CWF19L2: variants seen among roughly 807,000 people sequenced by gnomAD.
CWF19L2 encodes CWF19-like protein 2.
CWF19L2 carries 98 observed loss-of-function variants against 111.7 expected under a neutral mutation model. That is an observed-to-expected ratio of 0.88 (90% CI 0.75 to 1.04). The LOEUF (loss-of-function observed/expected upper bound fraction) is 1.04. Ranked by LOEUF, CWF19L2 falls within the 50% of genes least tolerant of loss-of-function variation. The pLI, the probability that CWF19L2 is intolerant of heterozygous loss-of-function variation, is 0.00. For synonymous variants in CWF19L2, 351 were observed against 342.9 expected, an observed-to-expected ratio of 1.02 and a Z score of -0.26; for missense variants, 1,101 against 1,051.4, an observed-to-expected ratio of 1.05 and a Z score of -0.65.
rs757738207 is a variant in CWF19L2 at position 107,433,691 on chromosome 11, C to T, written c.723G>A (p.Lys241=). ...TTCTACTTTGTTTCTCAGCTTGTTCCTTCATTCTTAGATAAGATTTCCTTA... is the reference window on the plus strand; with the variant it reads ...TTCTACTTTGTTTCTCAGCTTGTTCTTTCATTCTTAGATAAGATTTCCTTA... ...SWLRKSYLRM[K]EQAEKQSRNF... The change falls in exon 7 of 18, where the codon AAG becomes AAA. Residue 241 remains lysine, a synonymous_variant. Transcript: ENST00000282251. 20 of 1,594,328 alleles carry T rather than the reference C, an allele frequency of 1.3e-5. No homozygotes were observed. The African/African-American group carries it at 2.4e-4, about 19-fold the overall frequency.
At chr11:107,444,459 T>C (rs1861674475) in intron 3 of CWF19L2, among the ~76,000 whole-genome samples, 1 of 152,182 alleles carries the variant, frequency 6.6e-6, no homozygotes, top group South Asian at 2.1e-4. Context: ...TTCTTCTCCA[T>C]TTCCTTCATG....
chr11:107,418,696 A>G (rs1336999264), intron 8 of CWF19L2, among the ~76,000 whole-genome samples: 1 of 152,222 alleles, frequency 6.6e-6, no homozygotes, highest in Non-Finnish European at 1.5e-5. Context: ...AATGATATAT[A>G]TATCTAACTG....
At chr11:107,456,843 T>C (rs1015474986) in intron 1 of CWF19L2, among the ~76,000 whole-genome samples, 2 of 152,124 alleles carry the variant, frequency 1.3e-5, no homozygotes, top group African/African-American at 2.4e-5. Flanking sequence ...GGTGAGAAAA[T>C]TGGAGATTAA....
At chr11:107,431,709 A>G (rs1025797938) in intron 7 of CWF19L2, among the ~76,000 whole-genome samples, 1 of 152,160 alleles carries the variant, frequency 6.6e-6, no homozygotes, top group Non-Finnish European at 1.5e-5. Flanking sequence ...TGCATAATTT[A>G]CTGAAAACCA....
In CWF19L2 at chr11:107,418,200, C is replaced by T; in HGVS notation, c.1521G>A (p.Gly507=). The T allele has an allele frequency of 6.3e-7, 1 of 1,586,264 alleles. No individual in the cohort carries two copies. Among genetic ancestry groups the T allele is most frequent in the Non-Finnish European group, 8.7e-7 (1 of 1,154,696 alleles). The change falls in exon 9 of 18, where the codon GGG becomes GGA. Residue 507 remains glycine (G), a synonymous_variant. Transcript: ENST00000282251. ...GAKIIKAEMM[G]NMELAEQLKV... ...CAACATCTAAGAGTCTTACCATATT[C>T]CCCATCATCTCTGCTTTGATAATCT...
chr11:107,331,559 A>G (rs1309277702), intron 16 of CWF19L2, among the ~76,000 whole-genome samples: 1 of 152,208 alleles, frequency 6.6e-6, no homozygotes, highest in Non-Finnish European at 1.5e-5. Flanking sequence ...AGGCAAAGGA[A>G]TGGATTCTTT....
At position 107,327,144 on chromosome 11, in the gene CWF19L2, T is replaced by C. The variant is rs961362285; in HGVS notation, c.2542-91A>G. 9.4e-5 allele frequency: 113 copies of C among 1,208,082 alleles called. No individual in the cohort carries two copies. The African/African-American group carries it at 1.5e-3, about 16-fold the overall frequency. 74.8% of individuals were successfully genotyped at this position (1,208,082 alleles called of 1,614,324 possible). A position where few individuals can be genotyped will look rare whatever the true frequency, so the allele number is the denominator to read the frequency against. On this transcript the variant is annotated intron_variant, in intron 17 of 17. Coordinates refer to ENST00000282251, the MANE Select transcript of CWF19L2 (RefSeq NM_152434.3). ...TTTCTGTTTATTCTGCTATAAAATA[T>C]AACAAGTTCTTCTCCATGACAATGT...
chr11:107,356,709 A>G (rs999582459), intron 12 of CWF19L2, among the ~76,000 whole-genome samples: 1 of 152,200 alleles, frequency 6.6e-6, no homozygotes, highest in African/African-American at 2.4e-5. Flanking sequence ...ATATTTCTGC[A>G]ACACAGAAAT....
intron 3 of CWF19L2, among the ~76,000 whole-genome samples, chr11:107,454,213 C>T (rs1861820530): frequency 6.6e-6 from 1 of 152,252 alleles, no homozygotes; most frequent in Non-Finnish European, 1.5e-5. Flanking sequence ...AGATCCAGTG[C>T]TGTGCTTAGC....
intron 12 of CWF19L2, among the ~76,000 whole-genome samples, chr11:107,380,819 T>G (rs1820742575): frequency 6.6e-6 from 1 of 152,180 alleles, no homozygotes; most frequent in Non-Finnish European, 1.5e-5. Flanking sequence ...GCAACCCAAG[T>G]GTCCATGAAC....
intron 14 of CWF19L2, among the ~76,000 whole-genome samples, chr11:107,344,170 G>A (rs1290100253): frequency 3.3e-5 from 5 of 152,082 alleles, no homozygotes; most frequent in African/African-American, 1.2e-4. Context: ...CCAAAATCAC[G>A]CCACTGCACT....
intron 8 of CWF19L2, among the ~76,000 whole-genome samples, chr11:107,423,612 C>T (rs574313388): frequency 1.3e-5 from 2 of 151,962 alleles, no homozygotes; most frequent in South Asian, 4.1e-4. Context: ...ACTAAGAAAC[C>T]AAAGAACCAA....
intron 12 of CWF19L2, among the ~76,000 whole-genome samples, chr11:107,367,378 G>C (rs1489548275): frequency 7.8e-6 from 1 of 128,196 alleles, no homozygotes; most frequent in Admixed American, 7.7e-5. Context: ...ACATGCACAC[G>C]TATGTTTATT....
At chr11:107,436,780 G>C (rs1047068939) in intron 6 of CWF19L2, among the ~76,000 whole-genome samples, 1 of 152,140 alleles carries the variant, frequency 6.6e-6, no homozygotes, top group Non-Finnish European at 1.5e-5. Context: ...TGCTGGACTA[G>C]GAATCAGAAG....
At chr11:107,453,592 G>A (rs909139108) in intron 3 of CWF19L2, among the ~76,000 whole-genome samples, 2 of 151,808 alleles carry the variant, frequency 1.3e-5, no homozygotes, top group African/African-American at 4.8e-5. Flanking sequence ...GGATTCAGGT[G>A]AGACTCAGCA....
In CWF19L2 at chr11:107,334,890, G is replaced by A. The variant is rs778769509; in HGVS notation, c.2430C>T (p.Ile810=). 3 of 1,585,332 alleles carry A rather than the reference G, an allele frequency of 1.9e-6. No homozygotes were observed. In the South Asian group the frequency reaches 3.3e-5, roughly 18 times the overall value. ...GAAAAAACATACTTACAGACTTTCT[G>A]ATATCTTTTGAAGAGAGATCTATCA... ...KKLIDLSSKD[I]RKSVPRGLPY... The change falls in exon 16 of 18, where the codon ATC becomes ATT. Residue 810 remains isoleucine, a synonymous_variant. Coordinates refer to ENST00000282251, the MANE Select transcript of CWF19L2 (RefSeq NM_152434.3).
At chr11:107,361,418 T>C (rs1183801366) in intron 12 of CWF19L2, among the ~76,000 whole-genome samples, 2 of 152,234 alleles carry the variant, frequency 1.3e-5, no homozygotes. Flanking sequence ...GCTTTGGGTT[T>C]TTTTTATTGT....
chr11:107,331,088 A>G (rs933141580), intron 16 of CWF19L2, among the ~76,000 whole-genome samples: 1 of 152,234 alleles, frequency 6.6e-6, no homozygotes, highest in African/African-American at 2.4e-5. Flanking sequence ...ATAACATTAA[A>G]TATGGAGAAA....
At chr11:107,405,850 A>AAGAAGAAG (rs1555023831) in intron 10 of CWF19L2, among the ~76,000 whole-genome samples, 25 of 141,830 alleles carry the variant, frequency 1.8e-4, no homozygotes, top group South Asian at 4.4e-4. Context: ...AAAAAAAAAA[A>AAGAAGAAG]AAGAAGAAGA....
Sources: allele counts gnomAD v4.1 joint callset (sites outside exome capture counted in the v4.1 genomes callset), GRCh38; gene constraint gnomAD v4.1.1; transcripts MANE v1.5; gene names NCBI Gene and HGNC (gene_info 2026-07-23, HGNC 2026-07-21).